The following PHIP variants were observed in gnomAD, a reference collection of about 807,000 sequenced individuals.
PHIP encodes the protein PHIP subunit of CUL4-Ring ligase complex.
In PHIP, 54 loss-of-function variants were observed where a neutral mutation model predicts 236.8. The observed-to-expected ratio is 0.23, with a 90% confidence interval of 0.18 to 0.29. The LOEUF (loss-of-function observed/expected upper bound fraction) is 0.29, where lower values mean the gene tolerates loss of function less well. Ranked by LOEUF, PHIP falls within the 10% of genes least tolerant of loss-of-function variation. The pLI, the probability that PHIP is intolerant of heterozygous loss-of-function variation, is 1.00. For missense variants in PHIP, 1,370 were observed against 2,190.8 expected (o/e 0.63, Z 7.48); for synonymous variants, 756 against 718.9 (o/e 1.05, Z -0.83).
intron 6 of PHIP, among the ~76,000 whole-genome samples, chr6:79,059,624 T>TATATATAA (rs1491376288): frequency 1.5e-5 from 1 of 65,778 alleles, no homozygotes; most frequent in Non-Finnish European, 3.3e-5. Flanking sequence ...TATATATATA[T>TATATATAA]AAAAATGCCA....
chr6:79,007,259 C>T (rs1050357496), intron 15 of PHIP, among the ~76,000 whole-genome samples: 1 of 151,980 alleles, frequency 6.6e-6, no homozygotes, highest in African/African-American at 2.4e-5. Context: ...TTTCCTGAAG[C>T]AGAAAGATGA....
At chr6:79,055,716 T>G (rs1773034899) in intron 6 of PHIP, among the ~76,000 whole-genome samples, 1 of 152,182 alleles carries the variant, frequency 6.6e-6, no homozygotes, top group Non-Finnish European at 1.5e-5. Context: ...GACCAAAAGG[T>G]TCAAAGTAGT....
intron 7 of PHIP, among the ~76,000 whole-genome samples, chr6:79,027,802 G>T (rs1771483099): frequency 6.6e-6 from 1 of 152,118 alleles, no homozygotes; most frequent in Non-Finnish European, 1.5e-5. Flanking sequence ...TCTCACGCAA[G>T]AAGAGGCAAT....
At chr6:78,971,681 C>T (rs904028175) in intron 24 of PHIP, among the ~76,000 whole-genome samples, 11 of 152,012 alleles carry the variant, frequency 7.2e-5, no homozygotes, top group Admixed American at 3.3e-4. Context: ...GCACCGTGTG[C>T]GAGCCGAAGT....
chr6:79,025,992 G>T lies in PHIP; in HGVS notation c.773C>A (p.Ala258Glu). 1 of 1,613,950 alleles carries T rather than the reference G, an allele frequency of 6.2e-7. No homozygotes were observed. Among genetic ancestry groups the T allele is most frequent in the Non-Finnish European group, 8.5e-7 (1 of 1,179,902 alleles). ...MIRVWCLRTCAPLAVLQGHSA... is the reference protein window; with the variant it reads ...MIRVWCLRTCEPLAVLQGHSA... ...ATGGCCCTGAAGAACAGCCAAAGGT[G>T]CACAGGTTCGAAGACACCAGACTCG... is the stretch of plus-strand genomic sequence containing the variant. The change falls in exon 8 of 40, where the codon GCA becomes GAA. Residue 258 changes from alanine (A) to glutamate (E), a missense_variant. Physicochemically the swap from Ala to Glu is moderately radical, Grantham distance 107. Around this residue, in one of 14 missense-constraint regions of PHIP, gnomAD observed 188 missense variants for 354.3 expected, o/e 0.53. Transcript: ENST00000275034.
At chr6:78,993,494 T>C (rs1043985260) in intron 19 of PHIP, among the ~76,000 whole-genome samples, 5 of 152,244 alleles carry the variant, frequency 3.3e-5, no homozygotes, top group Non-Finnish European at 5.9e-5. Context: ...TAGGGGCTAA[T>C]ACAGCTAGTG....
rs1459458245 is a variant in PHIP, at chr6:78,996,729, C to T, written c.2201+685G>A. Among the ~76,000 whole-genome samples the T allele has an allele frequency of 2.0e-5, 3 of 152,080 alleles. No homozygotes were observed. In the East Asian group the frequency reaches 5.8e-4, roughly 29 times the overall value. Reference sequence around the variant, plus strand: ...GACCAAAATTTTAATTATGTAATTACTATCTTCTGAGTTGAAGAACTAGAC... The same window carrying T: ...GACCAAAATTTTAATTATGTAATTATTATCTTCTGAGTTGAAGAACTAGAC... On this transcript the variant is annotated intron_variant, in intron 19 of 39. Coordinates refer to ENST00000275034, the MANE Select transcript of PHIP (RefSeq NM_017934.7).
intron 27 of PHIP, among the ~76,000 whole-genome samples, chr6:78,967,774 A>C (rs1767237453): frequency 6.6e-6 from 1 of 152,160 alleles, no homozygotes; most frequent in Non-Finnish European, 1.5e-5. Flanking sequence ...TCACTTCTGG[A>C]ATATTGCTGC....
intron 20 of PHIP, among the ~76,000 whole-genome samples, chr6:78,989,814 T>G (rs1769104783): frequency 6.6e-6 from 1 of 152,164 alleles, no homozygotes; most frequent in Non-Finnish European, 1.5e-5. Context: ...TAAGTTTATC[T>G]CAGCAAAGGA....
At chr6:78,947,908 A>G in intron 35 of PHIP, 133 bp from the exon 36 acceptor site, 4 of 484,152 alleles carry the variant, frequency 8.3e-6, no homozygotes, top group South Asian at 5.5e-5. Context: ...TGTTCCCCTT[A>G]TCAAGAGTCC....
Position 79,015,805 on chromosome 6 carries a change from A to T in PHIP, c.1236-22T>A, listed in dbSNP as rs537375094. ...TTGGCTGAAAGTGAGGAAGTGTTTT[A>T]CACTGACTATTAAAATACTGACACA... On this transcript the variant is annotated intron_variant, in intron 13 of 39. Coordinates refer to ENST00000275034, the MANE Select transcript of PHIP (RefSeq NM_017934.7). 6 of 1,583,302 alleles carry T rather than the reference A, an allele frequency of 3.8e-6. No homozygotes were observed. In the African/African-American group the frequency reaches 8.2e-5, roughly 22 times the overall value.
At chr6:78,976,796 C>T (rs1329498705) in intron 24 of PHIP, among the ~76,000 whole-genome samples, 1 of 145,188 alleles carries the variant, frequency 6.9e-6, no homozygotes, top group Non-Finnish European at 1.5e-5. Context: ...CACTGCCCAT[C>T]AGAGAAATGC....
intron 4 of PHIP, among the ~76,000 whole-genome samples, chr6:79,061,745 G>A (rs938752146): frequency 1.3e-5 from 2 of 151,718 alleles, no homozygotes; most frequent in Non-Finnish European, 2.9e-5. Context: ...TTTAGTAAGT[G>A]TAAAGGGGTC....
rs146282113 is a variant in PHIP, at chr6:78,947,247, C to G, written c.4207-373G>C. 1.1e-3 allele frequency among the ~76,000 whole-genome samples: 168 copies of G among 152,222 alleles called. 2 individuals are homozygous for G. In the East Asian group the frequency reaches 0.029, roughly 26 times the overall value. ...TCTCATTTCGTTGCTATATAGCACTCCTTTGTGATGTCATGTCTGGTCAGA... is the reference window on the plus strand; with the variant it reads ...TCTCATTTCGTTGCTATATAGCACTGCTTTGTGATGTCATGTCTGGTCAGA... On this transcript the variant is annotated intron_variant, in intron 36 of 39. Transcript: ENST00000275034.
chr6:79,043,265 A>G (rs780547539), intron 6 of PHIP, among the ~76,000 whole-genome samples: 23 of 152,274 alleles, frequency 1.5e-4, no homozygotes, highest in Non-Finnish European at 3.1e-4. Context: ...AAAGTAAGGC[A>G]TGAAGCTAGG....
intron 36 of PHIP, 62 bp from the exon 37 acceptor site, chr6:78,946,936 A>C (rs1464570010): frequency 1.1e-6 from 1 of 924,266 alleles, no homozygotes; most frequent in African/African-American, 1.8e-5. Flanking sequence ...TGTTCAGTAA[A>C]TACTGTAATG....
Position 78,945,468 on chromosome 6 carries a change from C to T in PHIP, c.4660G>A (p.Ala1554Thr). The T allele has an allele frequency of 6.2e-7, 1 of 1,609,956 alleles. No homozygotes were observed. The highest frequency in any genetic ancestry group is 8.5e-7 in the Non-Finnish European group (1 of 1,176,464). Residue 1554 changes from alanine to threonine, a missense_variant, in exon 39 of 40, where the codon GCT becomes ACT. Ala to Thr is a moderately conservative substitution (Grantham distance 58). This residue lies in a region of PHIP where 309 missense variants were observed against 328.3 expected (regional missense o/e 0.94). Transcript: ENST00000275034. ...ILENSVKHSK[A>T]LNTLSSPGQS... ...CCAGGACTGGAAAGAGTATTCAAAG[C>T]TTTGGAATGTTTCACAGAATTCTCT... is the stretch of plus-strand genomic sequence containing the variant.
chr6:79,046,211 T>C (rs981784040), intron 6 of PHIP, among the ~76,000 whole-genome samples: 106 of 152,202 alleles, frequency 7.0e-4, no homozygotes, highest in Admixed American at 6.9e-3. Flanking sequence ...TTAGGGTCTT[T>C]GCACTGGCTG....
chr6:79,077,320 C>A, intron 4 of PHIP, 128 bp downstream of exon 4: 1 of 912,372 alleles, frequency 1.1e-6, no homozygotes, highest in Non-Finnish European at 1.8e-6. Flanking sequence ...GCCTCCCAAC[C>A]CTCCCCATGG....
Sources: allele counts gnomAD v4.1 joint callset (sites outside exome capture counted in the v4.1 genomes callset), GRCh38; gene constraint gnomAD v4.1.1; regional missense constraint gnomAD v4.1.1; transcripts MANE v1.5; gene names NCBI Gene and HGNC (gene_info 2026-07-23, HGNC 2026-07-21).